GALNT9: variants seen among roughly 807,000 people sequenced by gnomAD.
GALNT9 encodes polypeptide N-acetylgalactosaminyltransferase 9, also known as GalNAc transferase 9.
A neutral mutation model predicts 63.1 loss-of-function variants in GALNT9; 47 were observed. That is an observed-to-expected ratio of 0.75 (90% CI 0.59 to 0.95). GALNT9 has a LOEUF of 0.95. Among genes scored for constraint, GALNT9 ranks in the 40% least tolerant of loss-of-function variants. The pLI is 0.00. For missense variants in GALNT9, 829 were observed against 874.8 expected (o/e 0.95, Z 0.66); for synonymous variants, 396 against 365.7 (o/e 1.08, Z -0.94).
chr12:132,273,057 T>A (rs995082948), intron 2 of GALNT9: 1 of 152,310 alleles, frequency 6.6e-6, no homozygotes, highest in East Asian at 1.9e-4. Context: ...AGGCTGTGTC[T>A]GTTCTATGAA....
chr12:132,239,288 A>ATACACT, intron 6 of GALNT9, among the ~76,000 whole-genome samples: 1 of 143,382 alleles, frequency 7.0e-6, no homozygotes, highest in Non-Finnish European at 1.5e-5. Flanking sequence ...ACAGAGACAC[A>ATACACT]GAGAGACAGA....
At chr12:132,317,091 C>T (rs1175299482) in intron 1 of GALNT9, among the ~76,000 whole-genome samples, 6 of 151,450 alleles carry the variant, frequency 4.0e-5, no homozygotes, top group African/African-American at 1.5e-4. Flanking sequence ...TCCCATCCTA[C>T]ACCCCACAGA....
intron 6 of GALNT9, among the ~76,000 whole-genome samples, chr12:132,216,830 C>T (rs1436166101): frequency 3.3e-5 from 5 of 152,232 alleles, no homozygotes; most frequent in Non-Finnish European, 7.3e-5. Context: ...TGTGAGGCGG[C>T]GTTTCTGGGC....
At chr12:132,328,613 G>A (rs1555246690) in intron 1 of GALNT9, among the ~76,000 whole-genome samples, 1 of 152,062 alleles carries the variant, frequency 6.6e-6, no homozygotes, top group Non-Finnish European at 1.5e-5. Flanking sequence ...CACTCCTGGA[G>A]CGCCAAGCCA....
chr12:132,213,523 A>G (rs930582636), intron 6 of GALNT9, among the ~76,000 whole-genome samples: 1 of 150,882 alleles, frequency 6.6e-6, no homozygotes, highest in Non-Finnish European at 1.5e-5. Context: ...ACTCACACAC[A>G]CGCACTCCCA....
At chr12:132,314,523 C>T (rs927677585) in intron 1 of GALNT9, among the ~76,000 whole-genome samples, 1 of 152,182 alleles carries the variant, frequency 6.6e-6, no homozygotes, top group South Asian at 2.1e-4. Context: ...CCCGAGGTCA[C>T]CCCATTGGGA....
At chr12:132,303,297 A>C (rs1881379667) in intron 1 of GALNT9, among the ~76,000 whole-genome samples, 1 of 151,918 alleles carries the variant, frequency 6.6e-6, no homozygotes, top group African/African-American at 2.4e-5. Context: ...CCACCAGGGC[A>C]TCTTCATTTA....
intron 6 of GALNT9, 108 bp from the exon 7 acceptor site, chr12:132,203,798 G>GCGGCCCGGCCCTCTGTTCCTGGGT: frequency 8.0e-7 from 1 of 1,242,456 alleles, no homozygotes; most frequent in African/African-American, 1.5e-5. Flanking sequence ...TGTTCCTGGG[G>GCGGCCCGGCCCTCTGTTCCTGGGT]CACCCCCACC....
intron 1 of GALNT9, among the ~76,000 whole-genome samples, chr12:132,307,633 A>T (rs545430900): frequency 1.3e-5 from 2 of 150,492 alleles, no homozygotes; most frequent in Non-Finnish European, 3.0e-5. Context: ...GGAGTTCAAG[A>T]CCAGCCTGAC....
intron 6 of GALNT9, among the ~76,000 whole-genome samples, chr12:132,207,442 A>G (rs1467860688): frequency 6.6e-6 from 1 of 152,184 alleles, no homozygotes; most frequent in Admixed American, 6.5e-5. Context: ...TCCACATGGG[A>G]ACCTGGTGGG....
At chr12:132,230,421 G>A (rs1040856485) in intron 6 of GALNT9, among the ~76,000 whole-genome samples, 6 of 152,244 alleles carry the variant, frequency 3.9e-5, no homozygotes, top group Admixed American at 2.0e-4. Flanking sequence ...AGGGGGGTTT[G>A]GTGGGTCTAC....
chr12:132,254,289 C>T (rs1433406845), intron 5 of GALNT9, among the ~76,000 whole-genome samples: 3 of 152,218 alleles, frequency 2.0e-5, no homozygotes, highest in Admixed American at 6.5e-5. Flanking sequence ...GAAATACCGG[C>T]GTAAGCCACT....
At chr12:132,237,863 C>T (rs1385489194) in intron 6 of GALNT9, among the ~76,000 whole-genome samples, 1 of 152,112 alleles carries the variant, frequency 6.6e-6, no homozygotes, top group Admixed American at 6.5e-5. Flanking sequence ...GGGGGTGGAA[C>T]CCTCCATCTG....
chr12:132,273,265 G>A (rs1308832500), intron 2 of GALNT9: 2 of 152,404 alleles, frequency 1.3e-5, no homozygotes, highest in African/African-American at 4.8e-5. Context: ...TGAGATTACA[G>A]GTGGGTGCCA....
At chr12:132,240,428 C>T (rs2136898226) in intron 6 of GALNT9, 112 of 360,600 alleles carry the variant, frequency 3.1e-4, no homozygotes, top group African/African-American at 1.0e-3. Context: ...ACTTGTTCAG[C>T]GCAGACATGG....
intron 2 of GALNT9, among the ~76,000 whole-genome samples, chr12:132,269,642 G>A (rs782692371): frequency 5.3e-5 from 8 of 152,252 alleles, no homozygotes; most frequent in Non-Finnish European, 1.2e-4. Flanking sequence ...TGACCGTGAA[G>A]AAAGCAGGAA....
chr12:132,197,096 C>A lies in GALNT9; in HGVS notation c.*11G>T, dbSNP rs372745215. On this transcript the variant is annotated 3_prime_UTR_variant, in exon 11 of 11. Transcript: ENST00000328957. ...TTCCCGAGGTCTGTGGGGGTCCGGGCGGAGGTGGGGTCAGTGCCGTGCGTG... is the reference window on the plus strand; with the variant it reads ...TTCCCGAGGTCTGTGGGGGTCCGGGAGGAGGTGGGGTCAGTGCCGTGCGTG... 1.9e-6 allele frequency: 3 copies of A among 1,613,420 alleles called. No individual in the cohort carries two copies. The highest frequency in any genetic ancestry group is 3.3e-5 in the Admixed American group (2 of 59,966).
Position 132,324,159 on chromosome 12 carries a change from C to CGCAGA in GALNT9, c.238+4802_238+4806dup, listed in dbSNP as rs1305157949. On this transcript the variant is annotated intron_variant, in intron 1 of 10. Transcript: ENST00000328957. ...AGCGTTTCCAAAATGGAAACGCTTA[C>CGCAGA]GCAGAGCAGAGCAGACGCTTGGAAA... 6.1e-4 allele frequency among the ~76,000 whole-genome samples: 93 copies of CGCAGA among 152,338 alleles called. 1 individual carries two copies. The highest frequency in any genetic ancestry group is 6.1e-3 in the Admixed American group (93 of 15,306).
intron 1 of GALNT9, among the ~76,000 whole-genome samples, chr12:132,299,147 CCCACCCCCAACACACCT>C (rs1881193231): frequency 9.8e-6 from 1 of 102,128 alleles, no homozygotes; most frequent in Non-Finnish European, 2.0e-5. Context: ...CCACACCTAA[CCCACCCCCAACACACCT>C]AACCCACCCC....
Sources: allele counts gnomAD v4.1 joint callset (sites outside exome capture counted in the v4.1 genomes callset), GRCh38; gene constraint gnomAD v4.1.1; transcripts MANE v1.5; gene names NCBI Gene and HGNC (gene_info 2026-07-23, HGNC 2026-07-21).